AMPH: variants seen among roughly 807,000 people sequenced by gnomAD.
AMPH encodes amphiphysin.
A neutral mutation model predicts 99.1 loss-of-function variants in AMPH; 49 were observed. The observed-to-expected ratio is 0.49, with a 90% CI of 0.39 to 0.63. AMPH has a LOEUF of 0.63. Ranked by LOEUF, AMPH falls within the 20% of genes least tolerant of loss-of-function variation. The probability of loss-of-function intolerance (pLI) is 0.00; values close to 1 mark genes in which losing one functional copy is unlikely to be tolerated. For missense variants in AMPH, 759 were observed against 863.4 expected (o/e 0.88, Z 1.52); for synonymous variants, 314 against 317.3 (o/e 0.99, Z 0.11).
At chr7:38,433,947 C>A (rs1053184526) in intron 12 of AMPH, among the ~76,000 whole-genome samples, 1 of 151,970 alleles carries the variant, frequency 6.6e-6, no homozygotes, top group Non-Finnish European at 1.5e-5. Context: ...CACTTGAAAA[C>A]ATGGGGTCAG....
intron 1 of AMPH, among the ~76,000 whole-genome samples, chr7:38,569,322 A>G (rs1791857890): frequency 6.6e-6 from 1 of 152,062 alleles, no homozygotes; most frequent in Admixed American, 6.6e-5. Context: ...TACAATCATA[A>G]AAAGTATTTT....
chr7:38,414,250 A>G (rs1785301112), intron 17 of AMPH, among the ~76,000 whole-genome samples: 1 of 152,226 alleles, frequency 6.6e-6, no homozygotes, highest in Non-Finnish European at 1.5e-5. Context: ...AAATTTTTAA[A>G]AAACAAAACA....
At chr7:38,566,266 AT>A (rs1196024884) in intron 1 of AMPH, among the ~76,000 whole-genome samples, 1 of 151,808 alleles carries the variant, frequency 6.6e-6, no homozygotes, top group East Asian at 1.9e-4. Context: ...GGAGCTCAAA[AT>A]CTCTTGAAAC....
At chr7:38,532,595 G>T (rs937883096) in intron 2 of AMPH, among the ~76,000 whole-genome samples, 1 of 152,120 alleles carries the variant, frequency 6.6e-6, no homozygotes, top group Admixed American at 6.5e-5. Flanking sequence ...TAGATAGCAG[G>T]ACAGCAGTTT....
At chr7:38,431,410 C>G (rs1283877991) in intron 13 of AMPH, among the ~76,000 whole-genome samples, 1 of 152,180 alleles carries the variant, frequency 6.6e-6, no homozygotes, top group Non-Finnish European at 1.5e-5. Flanking sequence ...GTAATCCCAG[C>G]ACTTTGGGAG....
chr7:38,418,007 C>A, intron 16 of AMPH, 57 bp from the exon 17 acceptor site: 2 of 1,573,556 alleles, frequency 1.3e-6, no homozygotes. Flanking sequence ...AAATAGATAA[C>A]ATTACAGAAT....
At chr7:38,604,031 A>T (rs1431936440) in intron 1 of AMPH, among the ~76,000 whole-genome samples, 2 of 152,254 alleles carry the variant, frequency 1.3e-5, no homozygotes, top group Non-Finnish European at 1.5e-5. Context: ...TAGGAGAATT[A>T]TATCCTATAC....
rs1422338637 is a variant in AMPH, at chr7:38,383,846, G to A, written c.*972C>T. On this transcript the variant is annotated 3_prime_UTR_variant, in exon 21 of 21. Transcript: ENST00000356264. Reference sequence around the variant, plus strand: ...TCTGTGAAGATGAGTTGCATAAATAGAAAGAGGTGGAAATATAGAGGAGCT... The same window carrying A: ...TCTGTGAAGATGAGTTGCATAAATAAAAAGAGGTGGAAATATAGAGGAGCT... The A allele has an allele frequency of 6.6e-6, 1 of 152,622 alleles. No individual in the cohort carries two copies. The highest frequency in any genetic ancestry group is 2.4e-5 in the African/African-American group (1 of 41,444). The allele number at this position is 152,622 out of a possible 1,614,324, so 9.5% of individuals were successfully genotyped here. A position where few individuals can be genotyped will look rare whatever the true frequency, so the allele number is the denominator to read the frequency against.
At chr7:38,574,142 T>C (rs1022667586) in intron 1 of AMPH, among the ~76,000 whole-genome samples, 1 of 152,230 alleles carries the variant, frequency 6.6e-6, no homozygotes, top group East Asian at 1.9e-4. Flanking sequence ...CCTAGCAACA[T>C]TACTGAATCA....
chr7:38,570,094 G>A (rs114402149), intron 1 of AMPH, among the ~76,000 whole-genome samples: 2,114 of 152,202 alleles, frequency 0.014, 44 homozygotes, highest in African/African-American at 0.048. Flanking sequence ...AACGAGTCCT[G>A]GAATTGGAGG....
At chr7:38,561,270 T>A (rs981665387) in intron 1 of AMPH, among the ~76,000 whole-genome samples, 2 of 152,250 alleles carry the variant, frequency 1.3e-5, no homozygotes, top group African/African-American at 4.8e-5. Flanking sequence ...CCTGAAAGCA[T>A]GACTGTTTAA....
In AMPH at chr7:38,571,029, TG is replaced by T. The variant is rs375055349; in HGVS notation, c.70-36019del. On this transcript the variant is annotated intron_variant, in intron 1 of 20. Transcript: ENST00000356264. ...ATATAGAATATATATATTCATATATTGAATATATATAGAATATATATATTCA... is the reference window on the plus strand; with the variant it reads ...ATATAGAATATATATATTCATATATTAATATATATAGAATATATATATTCA... Among the ~76,000 whole-genome samples, 119 of 14,246 alleles carry T rather than the reference TG, an allele frequency of 8.4e-3. 14 individuals carry two copies. Among genetic ancestry groups the T allele is most frequent in the African/African-American group, 0.027 (112 of 4,150 alleles). 9.3% of individuals were successfully genotyped at this position (14,246 alleles called of 152,430 possible).
intron 18 of AMPH, 141 bp downstream of exon 18, chr7:38,393,864 T>C (rs1267054215): frequency 1.3e-6 from 1 of 745,664 alleles, no homozygotes; most frequent in African/African-American, 1.7e-5. Flanking sequence ...GAGAATCTGA[T>C]AATAATGTTG....
At chr7:38,494,666 CTTGTATCTGCTG>C in intron 3 of AMPH, 139 bp from the exon 4 acceptor site, 1 of 666,066 alleles carries the variant, frequency 1.5e-6, no homozygotes, top group Non-Finnish European at 2.6e-6. Flanking sequence ...ACAACTGCTG[CTTGTATCTGCTG>C]TTGTATCTTT....
At chr7:38,418,024 C>T (rs1179573161) in intron 16 of AMPH, 74 bp from the exon 17 acceptor site, 2 of 1,483,098 alleles carry the variant, frequency 1.3e-6, no homozygotes, top group African/African-American at 1.4e-5. Flanking sequence ...GAATACTGGA[C>T]AATTAAGATT....
intron 2 of AMPH, among the ~76,000 whole-genome samples, chr7:38,514,185 G>A (rs942026542): frequency 6.6e-6 from 1 of 152,130 alleles, no homozygotes; most frequent in Non-Finnish European, 1.5e-5. Flanking sequence ...CAATGGCAAC[G>A]ACCTTTGTCT....
chr7:38,613,976 C>T (rs1359266348), intron 1 of AMPH, among the ~76,000 whole-genome samples: 1 of 152,056 alleles, frequency 6.6e-6, no homozygotes, highest in Non-Finnish European at 1.5e-5. Flanking sequence ...CAGGAGTCCA[C>T]CCCATAGTCT....
In AMPH at chr7:38,462,998, C is replaced by G. The variant is rs781660370; in HGVS notation, c.865G>C (p.Ala289Pro). 1.9e-6 allele frequency: 3 copies of G among 1,591,724 alleles called. No individual in the cohort carries two copies. The East Asian group carries it at 6.7e-5, about 36-fold the overall frequency. ...ACCTGTGAAGGTGACCGAGGCCGTGCTGGTGCGGGAGACGCAGGTGCTAAT... is the reference window on the plus strand; with the variant it reads ...ACCTGTGAAGGTGACCGAGGCCGTGGTGGTGCGGGAGACGCAGGTGCTAAT... ...HTLAPASPAP[A>P]RPRSPSQTRK... Residue 289 changes from alanine to proline, a missense_variant, in exon 10 of 21, where the codon GCA becomes CCA. Physicochemically the swap from Ala to Pro is conservative, Grantham distance 27. Coordinates refer to ENST00000356264, the MANE Select transcript of AMPH (RefSeq NM_001635.4).
chr7:38,433,244 C>T (rs556834565), intron 12 of AMPH, among the ~76,000 whole-genome samples: 4 of 152,204 alleles, frequency 2.6e-5, no homozygotes, highest in Non-Finnish European at 5.9e-5. Flanking sequence ...CCATTCTAAC[C>T]GTTCTGCATG....
Sources: gnomAD v4.1 joint callset for allele counts (sites outside exome capture counted in the v4.1 genomes callset) on GRCh38, gnomAD v4.1.1 for gene constraint, MANE v1.5 for transcripts, NCBI Gene and HGNC (gene_info 2026-07-23, HGNC 2026-07-21) for gene names.